DNAAF11: variants seen among roughly 807,000 people sequenced by gnomAD.
DNAAF11 encodes dynein axonemal assembly factor 11, also known as leucine rich repeat containing 6.
A neutral mutation model predicts 60.8 loss-of-function variants in DNAAF11; 45 were observed. That is an observed-to-expected ratio of 0.74 (90% CI 0.58 to 0.95). The LOEUF is 0.95. Among genes scored for constraint, DNAAF11 ranks in the 40% least tolerant of loss-of-function variants. The pLI is 0.00. For missense variants in DNAAF11, 546 were observed against 546.2 expected (o/e 1.00, Z 0.00); for synonymous variants, 191 against 183.5 (o/e 1.04, Z -0.33).
intron 1 of DNAAF11, among the ~76,000 whole-genome samples, chr8:132,669,729 AG>A (rs1368078086): frequency 6.6e-6 from 1 of 152,212 alleles, no homozygotes; most frequent in Admixed American, 6.5e-5. Context: ...TTTACCCTCT[AG>A]CCTAAAAATC....
chr8:132,679,493 T>A (rs1825833855), upstream of DNAAF11, among the ~76,000 whole-genome samples: 1 of 152,204 alleles, frequency 6.6e-6, no homozygotes, highest in Non-Finnish European at 1.5e-5. Flanking sequence ...ACTGTTCTTT[T>A]TCTTGGGACC....
At chr8:132,596,158 A>C (rs1343163299) in intron 10 of DNAAF11, among the ~76,000 whole-genome samples, 1 of 152,180 alleles carries the variant, frequency 6.6e-6, no homozygotes, top group Non-Finnish European at 1.5e-5. Context: ...GTCCATGCTG[A>C]CCATGAATTC....
intron 1 of DNAAF11, among the ~76,000 whole-genome samples, chr8:132,672,457 C>T (rs1825277501): frequency 6.6e-6 from 1 of 152,162 alleles, no homozygotes; most frequent in South Asian, 2.1e-4. Flanking sequence ...CCTTTTCTCA[C>T]CAAACTGTCT....
intron 3 of DNAAF11, among the ~76,000 whole-genome samples, chr8:132,648,981 G>T (rs940894890): frequency 1.3e-5 from 2 of 152,176 alleles, no homozygotes; most frequent in African/African-American, 4.8e-5. Context: ...AGCTACCAAT[G>T]ACTTTCTTCA....
rs142464121 is a variant in DNAAF11, at chr8:132,660,793, C to T, written c.178+667G>A. Among the ~76,000 whole-genome samples, 326 of 152,302 alleles carry T rather than the reference C, an allele frequency of 2.1e-3. 1 individual carries two copies. Among genetic ancestry groups the T allele is most frequent in the African/African-American group, 7.2e-3 (301 of 41,558 alleles). On this transcript the variant is annotated intron_variant, in intron 2 of 11. Coordinates refer to ENST00000620350, the MANE Select transcript of DNAAF11 (RefSeq NM_012472.6). ...CCTCCTGACATAAAGCAAAGGCCCA[C>T]CTGGGGAGGAGAAACTTGTGGTTGT... is the stretch of plus-strand genomic sequence containing the variant.
intron 10 of DNAAF11, among the ~76,000 whole-genome samples, chr8:132,584,396 C>A (rs1042278192): frequency 6.6e-6 from 1 of 152,274 alleles, no homozygotes; most frequent in African/African-American, 2.4e-5. Flanking sequence ...TACCTCCTCT[C>A]AAGGAACTCC....
chr8:132,661,514 A>G lies in DNAAF11; in HGVS notation c.124T>C (p.Trp42Arg). The G allele has an allele frequency of 6.2e-7, 1 of 1,613,640 alleles. No individual in the cohort carries two copies. The highest frequency in any genetic ancestry group is 8.5e-7 in the Non-Finnish European group (1 of 1,179,800). The change falls in exon 2 of 12, where the codon TGG becomes CGG. Residue 42 changes from tryptophan (W) to arginine (R), a missense_variant. By Grantham distance (101) the Trp-to-Arg change is moderately radical. Coordinates refer to ENST00000620350, the MANE Select transcript of DNAAF11 (RefSeq NM_012472.6). ...EIERLEHIDK[W>R]CRDLKILYLQ... Reference sequence around the variant, plus strand: ...TAGAGAATTTTTAAATCCCGGCACCATTTATCAATGTGTTCTAGTCTTTCT... The same window carrying G: ...TAGAGAATTTTTAAATCCCGGCACCGTTTATCAATGTGTTCTAGTCTTTCT...
At chr8:132,625,550 G>A (rs1278112559) in intron 5 of DNAAF11, 96 bp from the exon 6 acceptor site, 4 of 909,522 alleles carry the variant, frequency 4.4e-6, no homozygotes, top group Non-Finnish European at 6.5e-6. Context: ...TTTCTTATGT[G>A]ATCTTCTTAC....
intron 11 of DNAAF11, among the ~76,000 whole-genome samples, chr8:132,578,905 A>G (rs968777817): frequency 6.6e-6 from 1 of 152,244 alleles, no homozygotes; most frequent in African/African-American, 2.4e-5. Context: ...GGCCCTGAGC[A>G]TGCCAGGTGG....
the DNAAF11 span, among the ~76,000 whole-genome samples, chr8:132,684,474 A>G: frequency 1.3e-5 from 2 of 152,118 alleles, no homozygotes; most frequent in African/African-American, 4.8e-5. Flanking sequence ...GTTAATCTCA[A>G]TCTCTTGGTT....
chr8:132,700,821 A>T, the DNAAF11 span, among the ~76,000 whole-genome samples: 1 of 152,212 alleles, frequency 6.6e-6, no homozygotes, highest in Non-Finnish European at 1.5e-5. Context: ...AGGAGGAGTG[A>T]TTGCCCAAAG....
chr8:132,615,061 G>T lies in DNAAF11; in HGVS notation c.951C>A (p.Ile317=). 1 of 1,606,940 alleles carries T rather than the reference G, an allele frequency of 6.2e-7. No individual in the cohort carries two copies. Among genetic ancestry groups the T allele is most frequent in the Non-Finnish European group, 8.5e-7 (1 of 1,174,196 alleles). ...ACCTATAGACAGCAAGGTCCAGGAT[G>T]ATCTGCTTTTCGTTATCTTTCAAAG... is the stretch of plus-strand genomic sequence containing the variant. ...DFSLKDNEKQ[I]ILDLAVYRYM... is the part of the protein sequence containing the mutation. Residue 317 remains isoleucine, a synonymous_variant, in exon 8 of 12, where the codon ATC becomes ATA. Coordinates refer to ENST00000620350, the MANE Select transcript of DNAAF11 (RefSeq NM_012472.6).
At chr8:132,629,845 G>A (rs767772807) in intron 5 of DNAAF11, among the ~76,000 whole-genome samples, 1 of 152,130 alleles carries the variant, frequency 6.6e-6, no homozygotes, top group Non-Finnish European at 1.5e-5. Flanking sequence ...TCAGTATACA[G>A]AAATAATTTG....
intron 10 of DNAAF11, among the ~76,000 whole-genome samples, chr8:132,607,791 C>T (rs1461434665): frequency 6.6e-6 from 1 of 152,126 alleles, no homozygotes; most frequent in Non-Finnish European, 1.5e-5. Context: ...CTCTTTAGGG[C>T]TAAATGATAT....
intron 3 of DNAAF11, among the ~76,000 whole-genome samples, chr8:132,646,244 T>A (rs942571630): frequency 2.6e-5 from 4 of 152,144 alleles, no homozygotes; most frequent in African/African-American, 7.2e-5. Context: ...CTAAGCTTCA[T>A]AAGTGAAGGA....
At chr8:132,610,065 A>T in intron 10 of DNAAF11, 101 bp downstream of exon 10, 1 of 769,508 alleles carries the variant, frequency 1.3e-6, no homozygotes, top group Non-Finnish European at 2.2e-6. Flanking sequence ...CTCCCAACTA[A>T]AATGTACTTT....
chr8:132,689,156 A>T, the DNAAF11 span, among the ~76,000 whole-genome samples: 2 of 152,178 alleles, frequency 1.3e-5, no homozygotes, highest in Admixed American at 1.3e-4. Flanking sequence ...TCTCCAACTG[A>T]TGAGTTGTAG....
rs555737112 is a variant in DNAAF11, at chr8:132,601,326, G to T, written c.1140+8840C>A. On this transcript the variant is annotated intron_variant, in intron 10 of 11. Transcript: ENST00000620350. ...AGGAACACTTTTACACTGTTGGTGG[G>T]ACTGTAAACTAGTTCAACCATTGTG... Among the ~76,000 whole-genome samples the T allele has an allele frequency of 4.6e-5, 7 of 152,260 alleles. No individual in the cohort carries two copies. In the South Asian group the frequency reaches 1.0e-3, roughly 23 times the overall value.
chr8:132,670,530 C>G (rs1290181093), intron 1 of DNAAF11, among the ~76,000 whole-genome samples: 1 of 152,110 alleles, frequency 6.6e-6, no homozygotes, highest in Non-Finnish European at 1.5e-5. Context: ...TTGATTAATT[C>G]TACCAAAAAC....
Sources: gnomAD v4.1 joint callset for allele counts (sites outside exome capture counted in the v4.1 genomes callset) on GRCh38, gnomAD v4.1.1 for gene constraint, MANE v1.5 for transcripts, NCBI Gene and HGNC (gene_info 2026-07-23, HGNC 2026-07-21) for gene names.